Variants in XXYLT1 observed in about 807,000 individuals in gnomAD.
XXYLT1 encodes xyloside xylosyltransferase 1, also known as UDP-xylose:alpha-xyloside alpha-1,3-xylosyltransferase.
In XXYLT1, 20 loss-of-function variants were observed where a neutral mutation model predicts 28.9. That is an observed-to-expected ratio of 0.69 (90% CI 0.49 to 1.00). XXYLT1 has a LOEUF of 1.00. XXYLT1 is among the 50% of genes least tolerant of loss of function. XXYLT1 has a pLI of 0.00. For synonymous variants in XXYLT1, 257 were observed against 253.8 expected (o/e 1.01, Z -0.12); for missense variants, 542 against 560.1 (o/e 0.97, Z 0.33).
intron 3 of XXYLT1, 66 bp from the exon 4 acceptor site, chr3:195,070,177 G>A: frequency 6.7e-7 from 1 of 1,494,654 alleles, no homozygotes; most frequent in African/African-American, 1.4e-5. Context: ...CTGCTGCCCT[G>A]GGTCTTCACA....
chr3:195,147,439 C>T (rs1030259836), intron 3 of XXYLT1, among the ~76,000 whole-genome samples: 6 of 151,894 alleles, frequency 4.0e-5, no homozygotes, highest in Non-Finnish European at 8.8e-5. Context: ...GCATGGTGGT[C>T]AGCGCCTGTA....
rs2108822873 is a variant in XXYLT1, at chr3:195,240,631, G to GCAA, written c.505-13778_505-13776dup. On this transcript the variant is annotated intron_variant, in intron 1 of 3. Coordinates refer to ENST00000310380, the MANE Select transcript of XXYLT1 (RefSeq NM_152531.5). This position sits in a 1 kb window ranked among gnomAD's most constrained non-coding sequence, Gnocchi z 4.7. Reference sequence around the variant, plus strand: ...ACAGCCACTCCTCTGGCCACAGACAGCAACGCCACAGGTCGGCCGGAGGCC... The same window carrying GCAA: ...ACAGCCACTCCTCTGGCCACAGACAGCAACAACGCCACAGGTCGGCCGGAGGCC... Among the ~76,000 whole-genome samples the GCAA allele has an allele frequency of 6.6e-6, 1 of 152,370 alleles. No individual in the cohort carries two copies. The highest frequency in any genetic ancestry group is 2.1e-4 in the South Asian group (1 of 4,830).
intron 3 of XXYLT1, among the ~76,000 whole-genome samples, chr3:195,122,739 C>G (rs541372197): frequency 1.3e-5 from 2 of 152,354 alleles, no homozygotes; most frequent in South Asian, 4.1e-4. Context: ...ACGTAACAAA[C>G]TCCCCTCACC....
intron 1 of XXYLT1, among the ~76,000 whole-genome samples, chr3:195,242,576 C>T (rs1220172754): frequency 6.6e-6 from 1 of 152,118 alleles, no homozygotes; most frequent in African/African-American, 2.4e-5. Context: ...CGTACAGAGA[C>T]AAGGGATAGG....
intron 3 of XXYLT1, among the ~76,000 whole-genome samples, chr3:195,096,835 T>C (rs547652542): frequency 6.6e-6 from 1 of 152,350 alleles, no homozygotes; most frequent in Admixed American, 6.5e-5. Flanking sequence ...ACTGAAACTG[T>C]AGGTACTCAC....
chr3:195,245,719 A>G (rs1267214729), intron 1 of XXYLT1, among the ~76,000 whole-genome samples: 1 of 152,190 alleles, frequency 6.6e-6, no homozygotes, highest in Non-Finnish European at 1.5e-5. Flanking sequence ...CGGGTCCTTC[A>G]TGAATGGTTA....
At chr3:195,116,906 T>C (rs777338741) in intron 3 of XXYLT1, among the ~76,000 whole-genome samples, 34 of 152,000 alleles carry the variant, frequency 2.2e-4, no homozygotes, top group Admixed American at 2.0e-4. Context: ...ACAATAATGC[T>C]CAGGCACACC....
At chr3:195,184,462 C>T (rs946658924) in intron 2 of XXYLT1, among the ~76,000 whole-genome samples, 6 of 152,184 alleles carry the variant, frequency 3.9e-5, no homozygotes, top group African/African-American at 1.4e-4. Flanking sequence ...TAAACCTTTG[C>T]CTTTAAACTG....
intron 1 of XXYLT1, chr3:195,260,196 G>C (rs1288764744): frequency 2.0e-5 from 3 of 150,558 alleles, no homozygotes; most frequent in Non-Finnish European, 4.4e-5. Flanking sequence ...GCGCAGACGC[G>C]GTGCAGCGGC....
At chr3:195,081,531 T>G (rs1038223870) in intron 3 of XXYLT1, among the ~76,000 whole-genome samples, 1 of 81,320 alleles carries the variant, frequency 1.2e-5, no homozygotes, top group African/African-American at 1.1e-4. Flanking sequence ...TGAAAAAAAA[T>G]GTACAGTGCA....
chr3:195,251,590 G>A (rs967214628), intron 1 of XXYLT1, among the ~76,000 whole-genome samples: 4 of 152,178 alleles, frequency 2.6e-5, no homozygotes, highest in Admixed American at 6.5e-5. Context: ...GACTCTGAAC[G>A]CTCTCGGAAG....
intron 3 of XXYLT1, among the ~76,000 whole-genome samples, chr3:195,153,082 C>T (rs149733763): frequency 1.2e-3 from 177 of 152,318 alleles, no homozygotes; most frequent in African/African-American, 4.0e-3. Flanking sequence ...GGGCCGAGAC[C>T]GCCTGCTCAA....
chr3:195,088,163 C>T (rs1017607556), intron 3 of XXYLT1, among the ~76,000 whole-genome samples: 1 of 151,644 alleles, frequency 6.6e-6, no homozygotes, highest in Admixed American at 6.6e-5. Context: ...CCGGGAAGCT[C>T]GAACTGGGTG....
chr3:195,089,527 C>T (rs1302792200), intron 3 of XXYLT1, among the ~76,000 whole-genome samples: 6 of 151,844 alleles, frequency 4.0e-5, no homozygotes, highest in Non-Finnish European at 7.4e-5. Flanking sequence ...CTGAAGGAAG[C>T]GCTAAACATG....
chr3:195,199,146 T>A (rs141294111), intron 2 of XXYLT1, among the ~76,000 whole-genome samples: 6 of 152,088 alleles, frequency 3.9e-5, no homozygotes, highest in African/African-American at 9.7e-5. Context: ...AGGATAGGAA[T>A]GAGCATGGCC....
At chr3:195,166,314 TATTTTA>T (rs112689577) in intron 2 of XXYLT1, among the ~76,000 whole-genome samples, 88 of 152,380 alleles carry the variant, frequency 5.8e-4, no homozygotes, top group African/African-American at 2.0e-3. Flanking sequence ...ACATTTGAGT[TATTTTA>T]ATTTTAATTA....
intron 1 of XXYLT1, among the ~76,000 whole-genome samples, chr3:195,238,413 C>T (rs919919192): frequency 6.6e-6 from 1 of 152,204 alleles, no homozygotes; most frequent in African/African-American, 2.4e-5. Context: ...GTCTGACTCA[C>T]TTTTCAGGGC....
chr3:195,204,195 T>C (rs1031677296), intron 2 of XXYLT1, among the ~76,000 whole-genome samples: 1 of 151,932 alleles, frequency 6.6e-6, no homozygotes, highest in African/African-American at 2.4e-5. Flanking sequence ...ATACAAAGAT[T>C]AGCCGGACGT....
intron 3 of XXYLT1, among the ~76,000 whole-genome samples, chr3:195,118,234 C>A (rs573470598): frequency 1.8e-4 from 27 of 152,308 alleles, no homozygotes; most frequent in Middle Eastern, 3.4e-3. Context: ...AAGATGCAGG[C>A]GAAGACCCCA....
Sources: allele counts gnomAD v4.1 joint callset (sites outside exome capture counted in the v4.1 genomes callset), GRCh38; gene constraint gnomAD v4.1.1; non-coding constraint Gnocchi (gnomAD v3.1); transcripts MANE v1.5; gene names NCBI Gene and HGNC (gene_info 2026-07-23, HGNC 2026-07-21).